The following ADAM22 variants were observed in gnomAD, a reference collection of about 807,000 sequenced individuals.
ADAM22 encodes disintegrin and metalloproteinase domain-containing protein 22.
A neutral mutation model predicts 144.6 loss-of-function variants in ADAM22; 65 were observed. The observed-to-expected ratio is 0.45, with a 90% CI of 0.37 to 0.55. ADAM22 has a LOEUF of 0.55. Ranked by LOEUF, ADAM22 falls within the 20% of genes least tolerant of loss-of-function variation. ADAM22 has a pLI of 0.00. For synonymous variants in ADAM22, 391 were observed against 412.6 expected (o/e 0.95, Z 0.63); for missense variants, 974 against 1,184.9 (o/e 0.82, Z 2.61).
At chr7:87,988,906 A>C (rs1384371732) in intron 3 of ADAM22, among the ~76,000 whole-genome samples, 1 of 151,952 alleles carries the variant, frequency 6.6e-6, no homozygotes, top group Non-Finnish European at 1.5e-5. Flanking sequence ...TTTTCACTGT[A>C]TTCTTTTAAA....
chr7:88,107,689 G>T (rs1340606474), intron 4 of ADAM22, among the ~76,000 whole-genome samples: 1 of 151,932 alleles, frequency 6.6e-6, no homozygotes, highest in Non-Finnish European at 1.5e-5. Context: ...GGGTTCAAAT[G>T]ATCCTCCTGC....
At chr7:88,030,416 A>G (rs1268634056) in intron 3 of ADAM22, among the ~76,000 whole-genome samples, 1 of 152,164 alleles carries the variant, frequency 6.6e-6, no homozygotes, top group Non-Finnish European at 1.5e-5. Flanking sequence ...TTTACTCAAA[A>G]CAGCCCTTTT....
chr7:88,183,517 A>G (rs1847597664), intron 29 of ADAM22, among the ~76,000 whole-genome samples: 1 of 152,146 alleles, frequency 6.6e-6, no homozygotes, highest in Admixed American at 6.5e-5. Context: ...AGTGTTTTCT[A>G]GAGCAGTTAC....
chr7:88,142,987 T>C (rs368654666), intron 14 of ADAM22, 39 bp from the exon 15 acceptor site: 10 of 1,276,502 alleles, frequency 7.8e-6, no homozygotes, highest in East Asian at 4.6e-5. Context: ...ATGAGAAAGA[T>C]GAGTTGAACC....
At chr7:87,986,657 T>C (rs1450243261) in intron 3 of ADAM22, among the ~76,000 whole-genome samples, 1 of 152,218 alleles carries the variant, frequency 6.6e-6, no homozygotes, top group Non-Finnish European at 1.5e-5. Context: ...CAGGCTCCTG[T>C]AACACCTTCA....
chr7:88,085,589 A>G (rs1585586138), intron 4 of ADAM22, among the ~76,000 whole-genome samples: 1 of 152,170 alleles, frequency 6.6e-6, no homozygotes, highest in Non-Finnish European at 1.5e-5. Context: ...TTAGATTGCA[A>G]TTTTATTTTT....
chr7:88,061,743 G>C (rs894891371), intron 3 of ADAM22, among the ~76,000 whole-genome samples: 1 of 152,012 alleles, frequency 6.6e-6, no homozygotes, highest in Non-Finnish European at 1.5e-5. Context: ...AGGGCCTTAG[G>C]ATTCTCAGAA....
intron 3 of ADAM22, among the ~76,000 whole-genome samples, chr7:88,031,266 G>A (rs1800204650): frequency 6.6e-6 from 1 of 152,202 alleles, no homozygotes; most frequent in Non-Finnish European, 1.5e-5. Flanking sequence ...AAATGTGGAA[G>A]CAGCTTTAAA....
chr7:88,076,699 C>T (rs898642260), intron 4 of ADAM22, among the ~76,000 whole-genome samples: 50 of 152,236 alleles, frequency 3.3e-4, no homozygotes, highest in African/African-American at 1.1e-3. Flanking sequence ...TGGCGGTTTT[C>T]CCCCAGATCT....
At chr7:88,044,551 A>G (rs1043755598) in intron 3 of ADAM22, among the ~76,000 whole-genome samples, 3 of 151,548 alleles carry the variant, frequency 2.0e-5, no homozygotes, top group African/African-American at 7.3e-5. Context: ...GGTTCAATCA[A>G]TTCTCCTGCC....
At chr7:88,022,202 C>T (rs1351228611) in intron 3 of ADAM22, among the ~76,000 whole-genome samples, 2 of 151,930 alleles carry the variant, frequency 1.3e-5, no homozygotes, top group African/African-American at 4.8e-5. Context: ...GGCCTCATTA[C>T]ACTTAACTAT....
intron 2 of ADAM22, among the ~76,000 whole-genome samples, chr7:87,965,235 A>T (rs1441621571): frequency 6.6e-6 from 1 of 152,246 alleles, no homozygotes; most frequent in Non-Finnish European, 1.5e-5. Context: ...CAGTCAAGTC[A>T]TAGGTGAAAA....
intron 4 of ADAM22, among the ~76,000 whole-genome samples, chr7:88,085,541 C>T (rs1286525998): frequency 6.6e-6 from 1 of 152,134 alleles, no homozygotes; most frequent in Admixed American, 6.5e-5. Context: ...TAGCAAGAGA[C>T]TGTCTTGAAC....
At chr7:88,017,773 A>ATG (rs200920533) in intron 3 of ADAM22, among the ~76,000 whole-genome samples, 4,073 of 151,610 alleles carry the variant, frequency 0.027, 179 homozygotes, top group African/African-American at 0.093. Flanking sequence ...ATGCAAGCAT[A>ATG]TGTGTGTGTG....
At chr7:87,978,286 G>A (rs754251879) in intron 2 of ADAM22, 50 bp from the exon 3 acceptor site, 27 of 1,345,142 alleles carry the variant, frequency 2.0e-5, no homozygotes, top group Non-Finnish European at 2.7e-5. Context: ...CTAATTGTCT[G>A]ATTAGTATGG....
chr7:88,031,392 A>C (rs1316355176), intron 3 of ADAM22, among the ~76,000 whole-genome samples: 1 of 152,182 alleles, frequency 6.6e-6, no homozygotes, highest in African/African-American at 2.4e-5. Flanking sequence ...AAATGCTGAT[A>C]GTGATATGGA....
At chr7:88,115,588 A>G (rs1036603057) in intron 6 of ADAM22, among the ~76,000 whole-genome samples, 2 of 152,110 alleles carry the variant, frequency 1.3e-5, no homozygotes, top group Admixed American at 1.3e-4. Context: ...CTGAATAAGG[A>G]TCTCACCCTT....
chr7:88,159,827 T>A (rs1187193662), intron 22 of ADAM22, among the ~76,000 whole-genome samples: 1 of 152,056 alleles, frequency 6.6e-6, no homozygotes, highest in African/African-American at 2.4e-5. Context: ...GGAAGCATTC[T>A]CCTTGAAAAC....
chr7:88,125,632 G>A lies in ADAM22; in HGVS notation c.651G>A (p.Lys217=), dbSNP rs199793895. The A allele has an allele frequency of 1.3e-5, 21 of 1,591,494 alleles. No homozygotes were observed. The African/African-American group carries it at 2.5e-4, about 19-fold the overall frequency. Residue 217 remains lysine (K), a synonymous_variant, in exon 8 of 32, where the codon AAG becomes AAA. Transcript: ENST00000413139. ...TTACTCCATCAAAATTTATTTTGAA[G>A]CCAAGACCAAAAAGGAGTAAACGGC... is the stretch of plus-strand genomic sequence containing the variant. ...VNITPSKFIL[K]PRPKRSKRQL...
Sources: gnomAD v4.1 joint callset for allele counts (sites outside exome capture counted in the v4.1 genomes callset) on GRCh38, gnomAD v4.1.1 for gene constraint, MANE v1.5 for transcripts, NCBI Gene and HGNC (gene_info 2026-07-23, HGNC 2026-07-21) for gene names.